Variants in DGKZ observed in about 807,000 individuals in gnomAD.
DGKZ encodes the protein diacylglycerol kinase zeta.
A neutral mutation model predicts 142.5 loss-of-function variants in DGKZ; 45 were observed. The observed-to-expected ratio is 0.32, with a 90% CI of 0.25 to 0.40. The LOEUF (loss-of-function observed/expected upper bound fraction) is 0.40. Among genes scored for constraint, DGKZ ranks in the 10% least tolerant of loss-of-function variants. The probability of loss-of-function intolerance (pLI) is 1.00; values close to 1 mark genes in which losing one functional copy is unlikely to be tolerated. For synonymous variants in DGKZ, 442 were observed against 527.0 expected (o/e 0.84, Z 2.21); for missense variants, 755 against 1,306.5 (o/e 0.58, Z 6.51).
intron 6 of DGKZ, 115 bp from the exon 7 acceptor site, chr11:46,371,198 C>A: frequency 9.8e-7 from 1 of 1,016,542 alleles, no homozygotes; most frequent in Non-Finnish European, 1.5e-6. Context: ...TTGAGACCAG[C>A]CTGGGCAACA....
At position 46,367,186 on chromosome 11, in the gene DGKZ, C is replaced by T; in HGVS notation, c.162-105C>T. 7.7e-7 allele frequency: 1 copy of T among 1,296,342 alleles called. No homozygotes were observed. The highest frequency in any genetic ancestry group is 1.1e-6 in the Non-Finnish European group (1 of 916,884). 80.3% of individuals were successfully genotyped at this position (1,296,342 alleles called of 1,614,324 possible). A position where few individuals can be genotyped will look rare whatever the true frequency, so the allele number is the denominator to read the frequency against. ...TGGGGCTGCTGGGAGGCTCCTCCGC[C>T]CTCCCTGTTGCCGAGGTCACGGAAA... On this transcript the variant is annotated intron_variant, in intron 1 of 30. Coordinates refer to ENST00000527911, the Ensembl canonical transcript of DGKZ. The surrounding 1 kb of genome is among the most constrained non-coding windows in gnomAD (Gnocchi z 4.1).
In DGKZ at chr11:46,367,232, G is replaced by A. The variant is rs1943411853; in HGVS notation, c.162-59G>A. 3 of 1,476,400 alleles carry A rather than the reference G, an allele frequency of 2.0e-6. No homozygotes were observed. The Admixed American group carries it at 5.6e-5, about 28-fold the overall frequency. 91.5% of individuals were successfully genotyped at this position (1,476,400 alleles called of 1,614,324 possible). On this transcript the variant is annotated intron_variant, in intron 1 of 30. Coordinates refer to ENST00000527911, the Ensembl canonical transcript of DGKZ. This position sits in a 1 kb window ranked among gnomAD's most constrained non-coding sequence, Gnocchi z 4.1. ...GGAAAGGGCAGAGGCCCCAGGAGGT[G>A]GGAGGAAGTAGGGTCAGCAAGTGCT...
chr11:46,379,011 TG>T lies in DGKZ; in HGVS notation c.2444del (p.Gly815AlafsTer77). Reference sequence around the variant, plus strand: ...CTCAGCTCCAGGAGCTGCACCGAGCTGGGGGCGACCTCATGCACCGAGACGA... The same window carrying T: ...CTCAGCTCCAGGAGCTGCACCGAGCTGGGGCGACCTCATGCACCGAGACGA... On this transcript the variant is annotated frameshift_variant, in exon 28 of 31. Coordinates refer to ENST00000527911, the Ensembl canonical transcript of DGKZ. LOFTEE classifies it high-confidence loss of function. 4 of 1,579,312 alleles carry T rather than the reference TG, an allele frequency of 2.5e-6. No homozygotes were observed. The highest frequency in any genetic ancestry group is 2.6e-6 in the Non-Finnish European group (3 of 1,169,980).
chr11:46,353,492 G>A (rs753934902), intron 1 of DGKZ, among the ~76,000 whole-genome samples: 4 of 152,182 alleles, frequency 2.6e-5, no homozygotes, highest in African/African-American at 9.7e-5. Context: ...GGCTGGACTG[G>A]GAGAGACCCT....
At position 46,367,558 on chromosome 11, in the gene DGKZ, TG is replaced by T; in HGVS notation, c.271-91del. On this transcript the variant is annotated intron_variant, in intron 2 of 30. Transcript: ENST00000527911. This position sits in a 1 kb window ranked among gnomAD's most constrained non-coding sequence, Gnocchi z 4.1. ...AGCAGGGTCGATCGGGGCGCTGGAG[TG>T]GGTTTGTCTTGGGAGAGGGCGGGTG... The T allele has an allele frequency of 1.2e-6, 1 of 826,274 alleles. No individual in the cohort carries two copies. The highest frequency in any genetic ancestry group is 1.5e-6 in the Non-Finnish European group (1 of 660,614). 51.2% of individuals were successfully genotyped at this position (826,274 alleles called of 1,614,324 possible).
chr11:46,367,103 A>G lies in DGKZ; in HGVS notation c.162-188A>G. The G allele has an allele frequency of 7.4e-7, 1 of 1,357,932 alleles. No individual in the cohort carries two copies. Among genetic ancestry groups the G allele is most frequent in the Non-Finnish European group, 1.0e-6 (1 of 993,642 alleles). 84.1% of individuals were successfully genotyped at this position (1,357,932 alleles called of 1,614,324 possible). On this transcript the variant is annotated intron_variant, in intron 1 of 30. Coordinates refer to ENST00000527911, the Ensembl canonical transcript of DGKZ. This position sits in a 1 kb window ranked among gnomAD's most constrained non-coding sequence, Gnocchi z 4.1. ...CCCACTTGGGAACACTCTGGGCAGT[A>G]CCCTGAAGCCAGCGTACCCCAAAAG...
At position 46,379,454 on chromosome 11, in the gene DGKZ, C is replaced by A; in HGVS notation, c.2574C>A (p.Asn858Lys). ...GGGACGGGATGGGGTACACAGCCAG[C>A]CCCTGCTCCCCCAGCGGGGAGACCT... Residue 858 changes from asparagine to lysine, a missense_variant and splice_region_variant, in exon 30 of 31, where the codon AAC becomes AAA. Around this residue, in one of 8 missense-constraint regions of DGKZ, gnomAD observed 100 missense variants for 87.7 expected, o/e 1.14. Coordinates refer to ENST00000527911, the Ensembl canonical transcript of DGKZ. 1 of 1,603,932 alleles carries A rather than the reference C, an allele frequency of 6.2e-7. No homozygotes were observed. The highest frequency in any genetic ancestry group is 8.5e-7 in the Non-Finnish European group (1 of 1,175,650).
chr11:46,339,213 C>T (rs1348825734), intron 1 of DGKZ, among the ~76,000 whole-genome samples: 2 of 152,190 alleles, frequency 1.3e-5, no homozygotes, highest in Admixed American at 6.5e-5. Flanking sequence ...ACTCTCCCTG[C>T]GGCTATTTAC....
At chr11:46,369,790 G>A (rs1943741882) in intron 5 of DGKZ, 151 bp from the exon 6 acceptor site, 2 of 933,392 alleles carry the variant, frequency 2.1e-6, no homozygotes, top group African/African-American at 1.6e-5. Context: ...CCTCCCCCAG[G>A]CCATGAAGAG....
rs17854148 is a variant in DGKZ at position 46,367,303 on chromosome 11, C to T, written c.174C>T (p.Thr58=). Residue 58 remains threonine, a synonymous_variant, in exon 2 of 31, where the codon ACC becomes ACT. Transcript: ENST00000527911. This position sits in a 1 kb window ranked among gnomAD's most constrained non-coding sequence, Gnocchi z 4.1. ...TTCTCCTCTCTAGGAAAGCCATCAC[C>T]AAGTCGGGCCTCCAGCACCTGGCCC... is the stretch of plus-strand genomic sequence containing the variant. The T allele has an allele frequency of 6.2e-7, 1 of 1,612,112 alleles. No homozygotes were observed. The highest frequency in any genetic ancestry group is 1.7e-5 in the Admixed American group (1 of 60,020).
intron 16 of DGKZ, 23 bp from the exon 17 acceptor site, chr11:46,374,581 G>A: frequency 6.3e-7 from 1 of 1,593,296 alleles, no homozygotes; most frequent in Non-Finnish European, 8.6e-7. Context: ...TCAGCAGATG[G>A]TGACGCCCTC....
At chr11:46,378,320 C>G (rs1274407683) in intron 26 of DGKZ, 91 bp downstream of exon 26, 10 of 1,543,944 alleles carry the variant, frequency 6.5e-6, no homozygotes, top group Non-Finnish European at 8.8e-6. Flanking sequence ...CACAGCCTTA[C>G]ACAAACACAG....
At position 46,367,974 on chromosome 11, in the gene DGKZ, T is replaced by C. The variant is rs1354992261; in HGVS notation, c.367-28T>C. 4 of 1,613,198 alleles carry C rather than the reference T, an allele frequency of 2.5e-6. No individual in the cohort carries two copies. ...CTCCGAGATAGACTTACCTGGTGCC[T>C]CAGGGGCCCTCTCTTCCTGTCCTGC... On this transcript the variant is annotated intron_variant, in intron 3 of 30. Transcript: ENST00000527911. This position sits in a 1 kb window ranked among gnomAD's most constrained non-coding sequence, Gnocchi z 4.1.
exon 17 of DGKZ, chr11:46,374,643 C>G (rs374325875): frequency 6.3e-7 from 1 of 1,583,450 alleles, no homozygotes; most frequent in Non-Finnish European, 8.6e-7. Flanking sequence ...CTCCAAGGAC[C>G]TGGCCAAGCA....
chr11:46,379,939 G>A, exon 31 of DGKZ: 2 of 1,605,098 alleles, frequency 1.2e-6, no homozygotes, highest in Non-Finnish European at 8.5e-7. Flanking sequence ...CCAGGAGACG[G>A]CTGTGTAGCG....
chr11:46,349,132 C>T (rs1941048955), intron 1 of DGKZ, among the ~76,000 whole-genome samples: 1 of 152,250 alleles, frequency 6.6e-6, no homozygotes, highest in Non-Finnish European at 1.5e-5. Context: ...CACTCTGTCT[C>T]TGAGCACATG....
At chr11:46,356,241 G>A (rs1392856569) in intron 1 of DGKZ, among the ~76,000 whole-genome samples, 1 of 152,162 alleles carries the variant, frequency 6.6e-6, no homozygotes, top group Non-Finnish European at 1.5e-5. Flanking sequence ...TCAGGGATCG[G>A]TTTCAGTGTT....
At chr11:46,341,748 C>T (rs7946300) in intron 1 of DGKZ, among the ~76,000 whole-genome samples, 1 of 152,032 alleles carries the variant, frequency 6.6e-6, no homozygotes, top group Non-Finnish European at 1.5e-5. Flanking sequence ...GGGAAGACAA[C>T]CTAGGAGTGC....
intron 1 of DGKZ, chr11:46,364,446 C>G: frequency 2.3e-6 from 3 of 1,281,340 alleles, no homozygotes; most frequent in Admixed American, 2.3e-5. Flanking sequence ...TGTCCTGCCC[C>G]TGCAGCTCCC....
Sources: allele counts gnomAD v4.1 joint callset (sites outside exome capture counted in the v4.1 genomes callset), GRCh38; gene constraint gnomAD v4.1.1; regional missense constraint gnomAD v4.1.1; non-coding constraint Gnocchi (gnomAD v3.1); transcripts MANE v1.5; gene names NCBI Gene and HGNC (gene_info 2026-07-23, HGNC 2026-07-21).